Variants in USP53 observed in about 807,000 individuals in gnomAD.
USP53 encodes ubiquitin carboxyl-terminal hydrolase 53.
Under a neutral mutation model 94.9 loss-of-function variants are expected in USP53, and 71 were observed. That is an observed-to-expected ratio of 0.75 (90% CI 0.62 to 0.91). The LOEUF is 0.91. Ranked by LOEUF, USP53 falls within the 40% of genes least tolerant of loss-of-function variation. The probability of loss-of-function intolerance (pLI) is 0.00; values close to 1 mark genes in which losing one functional copy is unlikely to be tolerated. For missense variants in USP53, 1,173 were observed against 1,281.0 expected (o/e 0.92, Z 1.29); for synonymous variants, 375 against 422.7 (o/e 0.89, Z 1.39).
intron 6 of USP53, 95 bp from the exon 7 acceptor site, chr4:119,248,653 A>G (rs1748563838): frequency 7.0e-7 from 1 of 1,425,938 alleles, no homozygotes; most frequent in Admixed American, 2.4e-5. Flanking sequence ...TTATTTTCCA[A>G]GTATAGTGTT....
chr4:119,279,128 G>A (rs1398383875), intron 17 of USP53, among the ~76,000 whole-genome samples: 1 of 148,798 alleles, frequency 6.7e-6, no homozygotes, highest in African/African-American at 2.5e-5. Context: ...ATCCAGCTTT[G>A]TTCTGTTGCT....
chr4:119,272,085 A>T lies in USP53; in HGVS notation c.2174+51A>T, dbSNP rs775128643. On this transcript the variant is annotated intron_variant, in intron 16 of 18. Coordinates refer to ENST00000692078, the MANE Select transcript of USP53 (RefSeq NM_001371395.1). ...TTTTCCATCACTCTTCTTTTTTGTT[A>T]ATTGCATGAAGTAATTTTTGAAGTT... The T allele has an allele frequency of 3.3e-6, 5 of 1,512,092 alleles. No individual in the cohort carries two copies. The East Asian group carries it at 1.1e-4, about 34-fold the overall frequency. 93.7% of individuals were successfully genotyped at this position (1,512,092 alleles called of 1,614,324 possible).
chr4:119,292,279 C>A, intron 18 of USP53, 59 bp from the exon 19 acceptor site: 2 of 1,437,964 alleles, frequency 1.4e-6, no homozygotes, highest in Non-Finnish European at 1.8e-6. Flanking sequence ...GTTTATTTTC[C>A]CCTAGTTTCA....
chr4:119,233,145 A>G (rs1746283175), intron 3 of USP53, among the ~76,000 whole-genome samples: 2 of 150,562 alleles, frequency 1.3e-5, no homozygotes, highest in Non-Finnish European at 3.0e-5. Context: ...TCCTTTAACA[A>G]TTTCGTTAGT....
intron 3 of USP53, chr4:119,220,606 C>A (rs975943557): frequency 6.6e-6 from 1 of 152,076 alleles, no homozygotes; most frequent in Non-Finnish European, 1.5e-5. Flanking sequence ...AATATAAGAT[C>A]CTTTGAAGTG....
At chr4:119,273,799 T>C in intron 17 of USP53, 91 bp downstream of exon 17, 3 of 1,004,368 alleles carry the variant, frequency 3.0e-6, no homozygotes, top group Non-Finnish European at 4.3e-6. Context: ...GAAAATCCTA[T>C]ATGACTATAA....
At chr4:119,267,227 T>A (rs1751241339) in intron 12 of USP53, 93 bp from the exon 13 acceptor site, 13 of 1,279,972 alleles carry the variant, frequency 1.0e-5, no homozygotes, top group Non-Finnish European at 1.4e-5. Context: ...CTAAATTTTT[T>A]AAAAATATAA....
At chr4:119,264,993 G>T (rs547573762) in intron 12 of USP53, among the ~76,000 whole-genome samples, 21 of 152,270 alleles carry the variant, frequency 1.4e-4, no homozygotes, top group African/African-American at 5.1e-4. Context: ...ACTGACACAT[G>T]CAATAATGTG....
chr4:119,260,390 T>G (rs1334151297), intron 10 of USP53, 117 bp from the exon 11 acceptor site: 2 of 766,492 alleles, frequency 2.6e-6, no homozygotes, highest in African/African-American at 3.5e-5. Context: ...AGTCAATTTT[T>G]AGTATACTGA....
chr4:119,216,117 C>T (rs1257421137), intron 2 of USP53, among the ~76,000 whole-genome samples: 3 of 152,126 alleles, frequency 2.0e-5, no homozygotes, highest in Non-Finnish European at 2.9e-5. Flanking sequence ...CTGTGGCTCA[C>T]GCCTGTAATC....
intron 3 of USP53, among the ~76,000 whole-genome samples, chr4:119,229,707 A>C (rs952528471): frequency 1.3e-5 from 2 of 152,022 alleles, no homozygotes; most frequent in Admixed American, 6.6e-5. Context: ...TCTCCTGTGC[A>C]TTCCTTCACC....
At chr4:119,224,596 G>A (rs1745000539) in intron 3 of USP53, among the ~76,000 whole-genome samples, 1 of 152,194 alleles carries the variant, frequency 6.6e-6, no homozygotes. Context: ...GAAGTGACTA[G>A]AATTTGTGGA....
At chr4:119,250,070 A>G (rs2149353945) in intron 7 of USP53, among the ~76,000 whole-genome samples, 1 of 152,246 alleles carries the variant, frequency 6.6e-6, no homozygotes, top group Non-Finnish European at 1.5e-5. Flanking sequence ...TTATTCTGAT[A>G]TTTAAGGCCC....
chr4:119,216,952 C>T (rs998515274), intron 2 of USP53, among the ~76,000 whole-genome samples: 5 of 152,254 alleles, frequency 3.3e-5, no homozygotes, highest in Admixed American at 3.3e-4. Context: ...AGCCTGCATT[C>T]GTTGAATGCC....
intron 7 of USP53, among the ~76,000 whole-genome samples, chr4:119,254,484 T>G (rs1749485222): frequency 6.6e-6 from 1 of 152,228 alleles, no homozygotes; most frequent in Admixed American, 6.5e-5. Flanking sequence ...CTCCAATCAC[T>G]GATATACTTT....
chr4:119,260,360 A>T, intron 10 of USP53, 147 bp from the exon 11 acceptor site: 1 of 532,374 alleles, frequency 1.9e-6, no homozygotes. Context: ...ATCAATAATT[A>T]AGACAAACAG....
intron 17 of USP53, among the ~76,000 whole-genome samples, chr4:119,289,162 G>A (rs1366848496): frequency 6.6e-6 from 1 of 152,086 alleles, no homozygotes; most frequent in African/African-American, 2.4e-5. Context: ...AGTGCTTTAT[G>A]CATATTTCCC....
At position 119,239,867 on chromosome 4, in the gene USP53, A is replaced by G. The variant is rs369794475; in HGVS notation, c.108A>G (p.Pro36=). Residue 36 remains proline (P), a synonymous_variant, in exon 5 of 19, where the codon CCA becomes CCG. Transcript: ENST00000692078. The part of the protein sequence containing the change: ...LAPTKGLLNE[P]GQNSCFLNSA... ...CTACCAAAGGCTTGTTAAATGAACC[A>G]GGACAAAACAGCTGCTTTCTTAATA... 2.5e-6 allele frequency: 4 copies of G among 1,609,318 alleles called. No individual in the cohort carries two copies. The African/African-American group carries it at 4.0e-5, about 16-fold the overall frequency.
intron 3 of USP53, among the ~76,000 whole-genome samples, chr4:119,225,633 C>G (rs1031138406): frequency 1.3e-5 from 2 of 151,996 alleles, no homozygotes; most frequent in African/African-American, 2.4e-5. Flanking sequence ...GTAGTCCCAG[C>G]TGCTCAGGAG....
Sources: gnomAD v4.1 joint callset for allele counts (sites outside exome capture counted in the v4.1 genomes callset) on GRCh38, gnomAD v4.1.1 for gene constraint, MANE v1.5 for transcripts, NCBI Gene and HGNC (gene_info 2026-07-23, HGNC 2026-07-21) for gene names.